Variants in TRPV4 observed in about 807,000 individuals in gnomAD.
The protein encoded by TRPV4 is transient receptor potential cation channel subfamily V member 4.
In TRPV4, 58 loss-of-function variants were observed where a neutral mutation model predicts 84.1. The observed-to-expected ratio is 0.69, with a 90% CI of 0.56 to 0.86. The LOEUF is 0.86. Among genes scored for constraint, TRPV4 ranks in the 40% least tolerant of loss-of-function variants. The probability of loss-of-function intolerance (pLI) is 0.00; values close to 1 mark genes in which losing one functional copy is unlikely to be tolerated. For missense variants in TRPV4, 879 were observed against 1,181.1 expected (o/e 0.74, Z 3.75); for synonymous variants, 489 against 500.9 (o/e 0.98, Z 0.32).
At position 109,788,682 on chromosome 12, in the gene TRPV4, C is replaced by T; in HGVS notation, c.1926G>A (p.Met642Ile). ...LVSLLNPCAN[M>I]KVCNEDQTNC... ...TGGTCTGGTCCTCATTGCACACCTTCATGTTGGCACACGGGTTCAGGAGGG... is the reference window on the plus strand; with the variant it reads ...TGGTCTGGTCCTCATTGCACACCTTTATGTTGGCACACGGGTTCAGGAGGG... Residue 642 changes from methionine (M) to isoleucine (I), a missense_variant, in exon 13 of 16, where the codon ATG becomes ATA. Around this residue, in one of 4 missense-constraint regions of TRPV4, gnomAD observed 242 missense variants for 355.3 expected, o/e 0.68. Transcript: ENST00000261740. 1 of 1,614,166 alleles carries T rather than the reference C, an allele frequency of 6.2e-7. No homozygotes were observed. Among genetic ancestry groups the T allele is most frequent in the Non-Finnish European group, 8.5e-7 (1 of 1,180,036 alleles).
In TRPV4 at chr12:109,814,743, G is replaced by A; in HGVS notation, c.54C>T (p.Leu18=). ...PRAGPGEVAE[L]PGDESGTPGG... Reference sequence around the variant, plus strand: ...CTGGGGTGCCACTCTCATCCCCGGGGAGCTCAGCCACCTCCCCGGGCCCCG... The same window carrying A: ...CTGGGGTGCCACTCTCATCCCCGGGAAGCTCAGCCACCTCCCCGGGCCCCG... The change falls in exon 2 of 16, where the codon CTC becomes CTT. Residue 18 remains leucine, a synonymous_variant. Transcript: ENST00000261740. The surrounding 1 kb of genome is among the most constrained non-coding windows in gnomAD (Gnocchi z 5.4). The A allele has an allele frequency of 6.3e-7, 1 of 1,585,442 alleles. No individual in the cohort carries two copies. Among genetic ancestry groups the A allele is most frequent in the Middle Eastern group, 1.7e-4 (1 of 5,926 alleles).
chr12:109,809,791 C>T (rs1323408783), intron 2 of TRPV4, among the ~76,000 whole-genome samples: 2 of 152,176 alleles, frequency 1.3e-5, no homozygotes, highest in African/African-American at 4.8e-5. Context: ...AATAAAGAAA[C>T]AGCAGACTAA....
At position 109,792,898 on chromosome 12, in the gene TRPV4, G is replaced by A. The variant is rs1592828002; in HGVS notation, c.1659-81C>T. On this transcript the variant is annotated intron_variant, in intron 10 of 15. Transcript: ENST00000261740. The stretch of plus-strand genomic sequence containing the variant: ...TCTGGAGGGGAAGACACGCCTCCAA[G>A]CCCTCCAGGGTATCAGGACTTCCCA... 5 of 1,455,436 alleles carry A rather than the reference G, an allele frequency of 3.4e-6. No homozygotes were observed. The South Asian group carries it at 5.9e-5, about 17-fold the overall frequency. The allele number at this position is 1,455,436 out of a possible 1,614,324, so 90.2% of individuals were successfully genotyped here. A position where few individuals can be genotyped will look rare whatever the true frequency, so the allele number is the denominator to read the frequency against.
chr12:109,813,722 AGATG>A (rs1419142923), intron 2 of TRPV4, among the ~76,000 whole-genome samples: 3 of 151,866 alleles, frequency 2.0e-5, no homozygotes, highest in African/African-American at 7.2e-5. Flanking sequence ...ATAGATGGGT[AGATG>A]GATGGATGGA....
At chr12:109,828,771 C>G (rs1892335603) in intron 1 of TRPV4, among the ~76,000 whole-genome samples, 1 of 152,222 alleles carries the variant, frequency 6.6e-6, no homozygotes, top group Non-Finnish European at 1.5e-5. Flanking sequence ...AGCTCCAGCT[C>G]TGCCATGAGC....
intron 5 of TRPV4, among the ~76,000 whole-genome samples, chr12:109,799,439 G>T (rs755452187): frequency 6.6e-6 from 1 of 152,038 alleles, no homozygotes; most frequent in South Asian, 2.1e-4. Flanking sequence ...GTGAGCCACC[G>T]CGCCCAGCTG....
At position 109,792,453 on chromosome 12, in the gene TRPV4, G is replaced by C. The variant is rs1489731331; in HGVS notation, c.1825-24C>G. 7 of 1,612,012 alleles carry C rather than the reference G, an allele frequency of 4.3e-6. No homozygotes were observed. In the Admixed American group the frequency reaches 1.0e-4, roughly 23 times the overall value. ...ATCTAAAGACCCCAGCGGGATTATG[G>C]AGGCAAAGAGGAGACACATGGTTTC... is the stretch of plus-strand genomic sequence containing the variant. On this transcript the variant is annotated intron_variant, in intron 11 of 15. Transcript: ENST00000261740.
At chr12:109,809,118 A>G (rs1891345334) in intron 2 of TRPV4, among the ~76,000 whole-genome samples, 1 of 133,270 alleles carries the variant, frequency 7.5e-6, no homozygotes, top group African/African-American at 2.9e-5. Flanking sequence ...CCATTCACCC[A>G]TCCACCTACC....
rs1430957137 is a variant in TRPV4, at chr12:109,786,592, C to T, written c.2336+118G>A. ...GTGGAAATGAACTCTGCTCGGGCCT[C>T]TTGGGGCCTCAGTGGCTCCAGAAAT... is the stretch of plus-strand genomic sequence containing the variant. On this transcript the variant is annotated intron_variant, in intron 14 of 15. Transcript: ENST00000261740. This position sits in a 1 kb window ranked among gnomAD's most constrained non-coding sequence, Gnocchi z 4.5. 5.8e-6 allele frequency: 8 copies of T among 1,387,374 alleles called. No individual in the cohort carries two copies. The Admixed American group carries it at 1.2e-4, about 20-fold the overall frequency. The allele number at this position is 1,387,374 out of a possible 1,614,324, so 85.9% of individuals were successfully genotyped here.
intron 4 of TRPV4, 40 bp downstream of exon 4, chr12:109,802,951 A>G (rs766164920): frequency 5.0e-6 from 8 of 1,609,966 alleles, no homozygotes; most frequent in Middle Eastern, 1.7e-4. Context: ...CAGCGTCTCC[A>G]TCAGCCCCCG....
chr12:109,802,707 T>C (rs1890874924), intron 4 of TRPV4, among the ~76,000 whole-genome samples: 3 of 151,026 alleles, frequency 2.0e-5, no homozygotes, highest in Admixed American at 2.0e-4. Flanking sequence ...CTGCCCCCCT[T>C]GGCCTCCCAA....
chr12:109,794,107 C>T lies in TRPV4; in HGVS notation c.1492-85G>A, dbSNP rs1057018841. The T allele has an allele frequency of 1.2e-5, 15 of 1,254,732 alleles. No individual in the cohort carries two copies. The East Asian group carries it at 2.9e-4, about 25-fold the overall frequency. 77.7% of individuals were successfully genotyped at this position (1,254,732 alleles called of 1,614,324 possible). On this transcript the variant is annotated intron_variant, in intron 8 of 15. Transcript: ENST00000261740. Reference sequence around the variant, plus strand: ...TCCAGATGTTCCCCCAGGCCCGAAACATCGGCATCCCATGGAGCCTCCTCC... The same window carrying T: ...TCCAGATGTTCCCCCAGGCCCGAAATATCGGCATCCCATGGAGCCTCCTCC...
intron 2 of TRPV4, 88 bp from the exon 3 acceptor site, chr12:109,808,556 TGGCG>T: frequency 7.3e-7 from 1 of 1,363,642 alleles, no homozygotes; most frequent in Non-Finnish European, 1.0e-6. Context: ...GAGACTGTGG[TGGCG>T]GGCAGGCAGC....
intron 1 of TRPV4, among the ~76,000 whole-genome samples, chr12:109,822,607 C>A (rs556024000): frequency 2.9e-4 from 44 of 152,228 alleles, no homozygotes; most frequent in African/African-American, 9.9e-4. Context: ...CCGGGACCTG[C>A]GCCTTTGATG....
chr12:109,812,315 A>C (rs1891569384), intron 2 of TRPV4, among the ~76,000 whole-genome samples: 1 of 152,172 alleles, frequency 6.6e-6, no homozygotes, highest in Non-Finnish European at 1.5e-5. Flanking sequence ...GGCCCCATCC[A>C]GGGCTTCTCT....
intron 3 of TRPV4, among the ~76,000 whole-genome samples, chr12:109,807,600 A>C (rs1241452288): frequency 3.3e-5 from 5 of 152,114 alleles, no homozygotes; most frequent in African/African-American, 1.2e-4. Flanking sequence ...CGGCCAGTTT[A>C]ATAATGGCTT....
chr12:109,794,317 C>A lies in TRPV4; in HGVS notation c.1491+12G>T, dbSNP rs774821034. On this transcript the variant is annotated intron_variant, in intron 8 of 15. Transcript: ENST00000261740. ...GCCTGCCCCAGCCCCTGCCCGGTCC[C>A]CGGGCACTCACTGTGCCCTCCAGCG... The A allele has an allele frequency of 3.7e-6, 6 of 1,611,096 alleles. No individual in the cohort carries two copies. In the South Asian group the frequency reaches 6.6e-5, roughly 18 times the overall value.
chr12:109,814,313 A>C lies in TRPV4; in HGVS notation c.386+98T>G. 2.2e-6 allele frequency: 3 copies of C among 1,385,608 alleles called. No individual in the cohort carries two copies. Among genetic ancestry groups the C allele is most frequent in the Non-Finnish European group, 3.0e-6 (3 of 1,001,268 alleles). 85.8% of individuals were successfully genotyped at this position (1,385,608 alleles called of 1,614,324 possible). A position where few individuals can be genotyped will look rare whatever the true frequency, so the allele number is the denominator to read the frequency against. On this transcript the variant is annotated intron_variant, in intron 2 of 15. Transcript: ENST00000261740. The surrounding 1 kb of genome is among the most constrained non-coding windows in gnomAD (Gnocchi z 5.4). Reference sequence around the variant, plus strand: ...GATGGACAGATGGATGGATGGATGAATCGACGGATGGGTGGATAATAGATA... The same window carrying C: ...GATGGACAGATGGATGGATGGATGACTCGACGGATGGGTGGATAATAGATA...
intron 12 of TRPV4, among the ~76,000 whole-genome samples, chr12:109,790,886 G>A (rs955219718): frequency 2.6e-5 from 4 of 152,204 alleles, no homozygotes; most frequent in East Asian, 1.9e-4. Flanking sequence ...AGGCCACCAT[G>A]TGGACAAGCC....
Sources: gnomAD v4.1 joint callset for allele counts (sites outside exome capture counted in the v4.1 genomes callset) on GRCh38, gnomAD v4.1.1 for gene constraint, gnomAD v4.1.1 regional missense constraint, Gnocchi (gnomAD v3.1) non-coding constraint, MANE v1.5 for transcripts, NCBI Gene and HGNC (gene_info 2026-07-23, HGNC 2026-07-21) for gene names.